PCCB: variants seen among roughly 807,000 people sequenced by gnomAD.
PCCB encodes the protein propionyl-CoA carboxylase beta chain, mitochondrial.
A neutral mutation model predicts 60.7 loss-of-function variants in PCCB; 43 were observed. The observed-to-expected ratio is 0.71, with a 90% CI of 0.55 to 0.91. PCCB has a LOEUF of 0.91. Ranked by LOEUF, PCCB falls within the 40% of genes least tolerant of loss-of-function variation. The pLI is 0.00. For missense variants in PCCB, 766 were observed against 702.8 expected (o/e 1.09, Z -1.02); for synonymous variants, 276 against 255.9 (o/e 1.08, Z -0.75).
chr3:136,297,918 C>T (rs761028088), intron 7 of PCCB, 34 bp from the exon 8 acceptor site: 2 of 1,613,800 alleles, frequency 1.2e-6, no homozygotes, highest in South Asian at 2.2e-5. Context: ...GGCTGGTACC[C>T]TGACTCAATC....
At chr3:136,309,178 G>C (rs1389188448) in intron 9 of PCCB, among the ~76,000 whole-genome samples, 2 of 150,794 alleles carry the variant, frequency 1.3e-5, no homozygotes, top group African/African-American at 4.9e-5. Context: ...CAGGAGAATC[G>C]CTTGAACCTG....
At chr3:136,327,807 GAA>G (rs1222798879) in intron 13 of PCCB, 75 bp downstream of exon 13, 1 of 1,221,542 alleles carries the variant, frequency 8.2e-7, no homozygotes, top group African/African-American at 1.5e-5. Context: ...GCATAGCTGG[GAA>G]ATGTTGGAGA....
chr3:136,291,592 C>T (rs1254497591), intron 6 of PCCB, among the ~76,000 whole-genome samples: 3 of 152,056 alleles, frequency 2.0e-5, no homozygotes, highest in South Asian at 2.1e-4. Context: ...TTTGGTGGGA[C>T]GGTGGCTAGA....
chr3:136,250,679 C>G (rs1448935775), intron 1 of PCCB, 121 bp downstream of exon 1: 8 of 972,670 alleles, frequency 8.2e-6, no homozygotes, highest in Non-Finnish European at 1.2e-5. Flanking sequence ...GGGGCCGGAG[C>G]AAGGGTGTTC....
At chr3:136,327,764 C>A (rs1248150193) in intron 13 of PCCB, 32 bp downstream of exon 13, 1 of 1,523,636 alleles carries the variant, frequency 6.6e-7, no homozygotes, top group South Asian at 1.1e-5. Flanking sequence ...CTTTCTGGGT[C>A]CAAGGACTCG....
At chr3:136,263,867 C>G (rs2108149746) in intron 5 of PCCB, among the ~76,000 whole-genome samples, 1 of 152,192 alleles carries the variant, frequency 6.6e-6, no homozygotes. Flanking sequence ...CAAAAATTAG[C>G]TGGGCATGGT....
chr3:136,288,645 A>G (rs554007684), intron 6 of PCCB, among the ~76,000 whole-genome samples: 2 of 148,510 alleles, frequency 1.3e-5, no homozygotes, highest in Non-Finnish European at 3.0e-5. Context: ...CACCTGGTCT[A>G]TAAAAATGTT....
chr3:136,260,233 G>T (rs1006742431), intron 3 of PCCB: 7 of 544,104 alleles, frequency 1.3e-5, no homozygotes, highest in Non-Finnish European at 2.3e-5. Context: ...GCCACCATGC[G>T]CAGCTAACTT....
intron 3 of PCCB, among the ~76,000 whole-genome samples, chr3:136,259,549 A>C (rs1172545834): frequency 6.6e-6 from 1 of 152,190 alleles, no homozygotes; most frequent in East Asian, 1.9e-4. Context: ...CTGATATTAG[A>C]GTTAATTCTG....
chr3:136,283,678 A>G (rs962045634), intron 5 of PCCB, among the ~76,000 whole-genome samples, 159 bp from the exon 6 acceptor site: 1 of 152,222 alleles, frequency 6.6e-6, no homozygotes, highest in African/African-American at 2.4e-5. Flanking sequence ...AAATGCACAT[A>G]TAATTCTTAA....
intron 10 of PCCB, among the ~76,000 whole-genome samples, 178 bp downstream of exon 10, chr3:136,317,242 T>TTTTTTTG (rs869106733): frequency 6.1e-5 from 8 of 130,686 alleles, no homozygotes; most frequent in Admixed American, 7.8e-5. Context: ...TTTTTTTTTT[T>TTTTTTTG]AGACAGGGTC....
chr3:136,303,205 G>T, intron 9 of PCCB, among the ~76,000 whole-genome samples: 1 of 122,886 alleles, frequency 8.1e-6, no homozygotes, highest in South Asian at 3.1e-4. Context: ...TTGTGATTCT[G>T]GGCATCTTTG....
chr3:136,326,792 T>G lies in PCCB; in HGVS notation c.1091-11T>G, dbSNP rs756586142. 1.3e-6 allele frequency: 2 copies of G among 1,550,056 alleles called. No homozygotes were observed. The highest frequency in any genetic ancestry group is 1.8e-6 in the Non-Finnish European group (2 of 1,121,642). ...CTGGATACTCAGTATGGATAATCTCTCTCTTTCTAGGATGCTTGGATATTA... is the reference window on the plus strand; with the variant it reads ...CTGGATACTCAGTATGGATAATCTCGCTCTTTCTAGGATGCTTGGATATTA... On this transcript the variant is annotated splice_polypyrimidine_tract_variant and intron_variant, in intron 10 of 14. Coordinates refer to ENST00000251654, the MANE Select transcript of PCCB (RefSeq NM_000532.5).
intron 2 of PCCB, 158 bp from the exon 3 acceptor site, chr3:136,256,397 A>C (rs901538955): frequency 1.5e-6 from 1 of 679,950 alleles, no homozygotes; most frequent in African/African-American, 1.8e-5. Flanking sequence ...GCTGTTGTAG[A>C]GCTGGGAAAG....
intron 10 of PCCB, among the ~76,000 whole-genome samples, chr3:136,318,295 C>T (rs544474277): frequency 5.9e-4 from 89 of 152,076 alleles, no homozygotes; most frequent in Non-Finnish European, 4.4e-4. Context: ...TGTAGTGAGC[C>T]GGGGATTGTG....
At chr3:136,285,104 A>G (rs934057166) in intron 6 of PCCB, among the ~76,000 whole-genome samples, 72 of 151,904 alleles carry the variant, frequency 4.7e-4, no homozygotes, top group African/African-American at 1.6e-3. Flanking sequence ...AAAAAAAAAA[A>G]AAAAGGTAAG....
intron 2 of PCCB, 37 bp from the exon 3 acceptor site, chr3:136,256,518 G>A: frequency 3.3e-6 from 5 of 1,497,366 alleles, no homozygotes; most frequent in Non-Finnish European, 4.7e-6. Context: ...AGAAGTATTT[G>A]GATTTTTTAA....
intron 5 of PCCB, among the ~76,000 whole-genome samples, chr3:136,267,420 C>CTTGGTCT: frequency 6.6e-6 from 1 of 152,174 alleles, no homozygotes; most frequent in African/African-American, 2.4e-5. Flanking sequence ...GTCTTGAACT[C>CTTGGTCT]CTGGTCTCAA....
chr3:136,313,013 G>A (rs150869426), intron 9 of PCCB, among the ~76,000 whole-genome samples: 15 of 152,304 alleles, frequency 9.8e-5, no homozygotes, highest in East Asian at 1.9e-4. Context: ...CATACATAAT[G>A]CTAGAAATAC....
Sources: gnomAD v4.1 joint callset for allele counts (sites outside exome capture counted in the v4.1 genomes callset) on GRCh38, gnomAD v4.1.1 for gene constraint, MANE v1.5 for transcripts, NCBI Gene and HGNC (gene_info 2026-07-23, HGNC 2026-07-21) for gene names.